The following PTCD2 variants were observed in gnomAD, a reference collection of about 807,000 sequenced individuals.
PTCD2 encodes pentatricopeptide repeat-containing protein 2, mitochondrial.
Under a neutral mutation model 42.6 loss-of-function variants are expected in PTCD2, and 31 were observed. The observed-to-expected ratio is 0.73, with a 90% CI of 0.55 to 0.98. PTCD2 has a LOEUF of 0.98. Among genes scored for constraint, PTCD2 ranks in the 50% least tolerant of loss-of-function variants. PTCD2 has a pLI of 0.00. For missense variants in PTCD2, 476 were observed against 454.8 expected, an observed-to-expected ratio of 1.05 and a Z score of -0.42; for synonymous variants, 183 against 170.9, an observed-to-expected ratio of 1.07 and a Z score of -0.55.
chr5:72,335,000 A>G lies in PTCD2; in HGVS notation c.469-18A>G, dbSNP rs924875822. The stretch of plus-strand genomic sequence containing the variant: ...TAGTTTTAACTTTTAACCAAACTGT[A>G]TTGTTCTTCTTCGTTAGCATTTACG... On this transcript the variant is annotated intron_variant, in intron 4 of 9. Coordinates refer to ENST00000380639, the MANE Select transcript of PTCD2 (RefSeq NM_024754.5). 8 of 1,511,616 alleles carry G rather than the reference A, an allele frequency of 5.3e-6. No homozygotes were observed. The highest frequency in any genetic ancestry group is 7.4e-6 in the Non-Finnish European group (8 of 1,087,616). 93.6% of individuals were successfully genotyped at this position (1,511,616 alleles called of 1,614,324 possible).
Position 72,366,819 on chromosome 5 carries a change from G to A in PTCD2, c.*8392G>A, listed in dbSNP as rs1030507224. The A allele has an allele frequency of 7.2e-5, 11 of 152,214 alleles. No individual in the cohort carries two copies. Among genetic ancestry groups the A allele is most frequent in the Non-Finnish European group, 1.0e-4 (7 of 68,038 alleles). The allele number at this position is 152,214 out of a possible 1,614,324, so 9.4% of individuals were successfully genotyped here. On this transcript the variant is annotated 3_prime_UTR_variant, in exon 10 of 10. Transcript: ENST00000380639. The stretch of plus-strand genomic sequence containing the variant: ...TAAGTATCATGCAATGTGTCCATGT[G>A]CGTGTACACGTGAGCACACATGCAC...
At chr5:72,338,184 G>T (rs1353613333) in intron 6 of PTCD2, among the ~76,000 whole-genome samples, 1 of 152,036 alleles carries the variant, frequency 6.6e-6, no homozygotes, top group Non-Finnish European at 1.5e-5. Context: ...ATTAGTGTTC[G>T]TGTTTTCAAA....
intron 4 of PTCD2, among the ~76,000 whole-genome samples, chr5:72,331,857 C>T (rs778592686): frequency 6.6e-6 from 1 of 152,228 alleles, no homozygotes. Context: ...TACAGCTACT[C>T]ATTGAATATT....
At chr5:72,354,043 AAAGTC>A (rs1421325771) in intron 9 of PTCD2, among the ~76,000 whole-genome samples, 1 of 152,138 alleles carries the variant, frequency 6.6e-6, no homozygotes, top group African/African-American at 2.4e-5. Context: ...GTCTACAAGC[AAAGTC>A]AAGAGGTAAG....
chr5:72,320,393 A>G lies in PTCD2; in HGVS notation c.11A>G (p.Asp4Gly), dbSNP rs780578754. 2 of 1,614,050 alleles carry G rather than the reference A, an allele frequency of 1.2e-6. No individual in the cohort carries two copies. Among genetic ancestry groups the G allele is most frequent in the Non-Finnish European group, 1.7e-6 (2 of 1,180,002 alleles). Residue 4 changes from aspartate (D) to glycine (G), a missense_variant, in exon 1 of 10, where the codon GAC (aspartate) becomes GGC (glycine). Physicochemically the swap from Asp to Gly is moderately conservative, Grantham distance 94 (BLOSUM62 -1). Transcript: ENST00000380639. Reference protein sequence around the residue: MVRDSMAAAFRPSN... With the variant: MVRGSMAAAFRPSN... ...GTTCCAGTAGTTGGTATGGTCCGAG[A>G]CAGTATGGCTGCTGCATTTCGGCCC...
Position 72,363,664 on chromosome 5 carries a change from T to A in PTCD2, c.*5237T>A, listed in dbSNP as rs1290022411. 6.6e-6 allele frequency: 1 copy of A among 152,268 alleles called. No individual in the cohort carries two copies. Among genetic ancestry groups the A allele is most frequent in the African/African-American group, 2.4e-5 (1 of 41,462 alleles). The allele number at this position is 152,268 out of a possible 1,614,324, so 9.4% of individuals were successfully genotyped here. On this transcript the variant is annotated 3_prime_UTR_variant, in exon 10 of 10. Transcript: ENST00000380639. ...GGTCTGTAGTCTCTACCATCTGCCC[T>A]ACACATAATAAGTACCCTTCCTCTG...
In PTCD2 at chr5:72,358,798, A is replaced by C; in HGVS notation, c.*371A>C. On this transcript the variant is annotated 3_prime_UTR_variant, in exon 10 of 10. Transcript: ENST00000380639. ...ATTTTCAAAGGAGTAGTTACTTGCA[A>C]ATTACATCCTTGCTGAATTCAGGAG... 4.2e-6 allele frequency: 1 copy of C among 239,446 alleles called. No homozygotes were observed. Among genetic ancestry groups the C allele is most frequent in the South Asian group, 7.0e-5 (1 of 14,266 alleles). The allele number at this position is 239,446 out of a possible 1,614,324, so 14.8% of individuals were successfully genotyped here.
intron 8 of PTCD2, among the ~76,000 whole-genome samples, chr5:72,346,207 G>A (rs998716391): frequency 1.3e-5 from 2 of 152,134 alleles, no homozygotes; most frequent in Non-Finnish European, 1.5e-5. Flanking sequence ...GGTTTGTAAT[G>A]GAAGAAACAA....
chr5:72,340,967 CT>C (rs1362381244), intron 7 of PTCD2, among the ~76,000 whole-genome samples: 1 of 108,404 alleles, frequency 9.2e-6, no homozygotes, highest in Non-Finnish European at 1.8e-5. Context: ...CTTTTCTTTT[CT>C]GTTTTTTTTT....
intron 8 of PTCD2, among the ~76,000 whole-genome samples, chr5:72,350,038 C>G (rs899485411): frequency 6.6e-6 from 1 of 152,178 alleles, no homozygotes. Context: ...CTGGGGGAAC[C>G]AAGCTCCTCT....
In PTCD2 at chr5:72,358,595, G is replaced by A. The variant is rs1753003820; in HGVS notation, c.*168G>A. 4.9e-6 allele frequency: 3 copies of A among 615,396 alleles called. No individual in the cohort carries two copies. The highest frequency in any genetic ancestry group is 3.7e-5 in the African/African-American group (2 of 54,310). The allele number at this position is 615,396 out of a possible 1,614,324, so 38.1% of individuals were successfully genotyped here. On this transcript the variant is annotated 3_prime_UTR_variant, in exon 10 of 10. Coordinates refer to ENST00000380639, the MANE Select transcript of PTCD2 (RefSeq NM_024754.5). Reference sequence around the variant, plus strand: ...ACCATGCCGATCTCTGAGAAGTTATGTTGCACCACTGTGAAGGTCTAGATG... The same window carrying A: ...ACCATGCCGATCTCTGAGAAGTTATATTGCACCACTGTGAAGGTCTAGATG...
At chr5:72,327,309 C>T (rs1751197081) in intron 3 of PTCD2, among the ~76,000 whole-genome samples, 1 of 152,114 alleles carries the variant, frequency 6.6e-6, no homozygotes. Context: ...CTTTCTGATC[C>T]GTTATTAAAG....
chr5:72,329,040 A>G (rs549354870), intron 3 of PTCD2, among the ~76,000 whole-genome samples: 1 of 152,352 alleles, frequency 6.6e-6, no homozygotes, highest in South Asian at 2.1e-4. Context: ...AAGTTAAATC[A>G]TTTCCCTTTG....
intron 3 of PTCD2, among the ~76,000 whole-genome samples, chr5:72,330,088 A>G (rs1323040005): frequency 6.7e-6 from 1 of 149,072 alleles, no homozygotes; most frequent in East Asian, 2.0e-4. Context: ...GCCCGCCACC[A>G]CGCCCGGCTA....
intron 4 of PTCD2, 46 bp downstream of exon 4, chr5:72,331,421 G>C: frequency 7.4e-7 from 1 of 1,342,654 alleles, no homozygotes; most frequent in Non-Finnish European, 1.1e-6. Context: ...TGTGTTTTTG[G>C]TGATATTGGA....
Position 72,358,733 on chromosome 5 carries a change from C to A in PTCD2, c.*306C>A. The A allele has an allele frequency of 2.7e-6, 1 of 370,048 alleles. No individual in the cohort carries two copies. Among genetic ancestry groups the A allele is most frequent in the Non-Finnish European group, 5.0e-6 (1 of 200,704 alleles). 22.9% of individuals were successfully genotyped at this position (370,048 alleles called of 1,614,324 possible). On this transcript the variant is annotated 3_prime_UTR_variant, in exon 10 of 10. Transcript: ENST00000380639. ...ACACCAGAGTGGAACCCAGTAAGCA[C>A]CATCAGGAATGAATTTCACTACAAG...
chr5:72,322,961 C>T (rs1031207862), intron 2 of PTCD2, among the ~76,000 whole-genome samples: 2 of 152,092 alleles, frequency 1.3e-5, no homozygotes, highest in African/African-American at 2.4e-5. Flanking sequence ...TGAGATCAGC[C>T]TGAGCAGCGT....
chr5:72,331,294 G>A lies in PTCD2; in HGVS notation c.387G>A (p.Glu129=). Residue 129 remains glutamate, a synonymous_variant, in exon 4 of 10, where the codon GAG becomes GAA. Coordinates refer to ENST00000380639, the MANE Select transcript of PTCD2 (RefSeq NM_024754.5). The part of the protein sequence containing the change: ...HAENKNFTLG[E]YKFGPLFVRL... ...AGAACAAAAATTTCACTTTGGGGGAGTATAAATTTGGACCGCTTTTTGTGA... is the reference window on the plus strand; with the variant it reads ...AGAACAAAAATTTCACTTTGGGGGAATATAAATTTGGACCGCTTTTTGTGA... 6.2e-7 allele frequency: 1 copy of A among 1,613,966 alleles called. No individual in the cohort carries two copies. Among genetic ancestry groups the A allele is most frequent in the Non-Finnish European group, 8.5e-7 (1 of 1,179,850 alleles).
intron 7 of PTCD2, among the ~76,000 whole-genome samples, chr5:72,340,703 G>A (rs534787316): frequency 1.8e-4 from 28 of 151,962 alleles, no homozygotes; most frequent in Admixed American, 3.3e-4. Flanking sequence ...TGTTGTTTTT[G>A]TACTTGAACT....
Sources: gnomAD v4.1 joint callset for allele counts (sites outside exome capture counted in the v4.1 genomes callset) on GRCh38, gnomAD v4.1.1 for gene constraint, MANE v1.5 for transcripts, NCBI Gene and HGNC (gene_info 2026-07-23, HGNC 2026-07-21) for gene names.